Variants in TRIP12 observed in about 807,000 individuals in gnomAD.
TRIP12 encodes thyroid hormone receptor interactor 12.
In TRIP12, 25 loss-of-function variants were observed where a neutral mutation model predicts 244.2. The observed-to-expected ratio is 0.10, with a 90% CI of 0.07 to 0.14. TRIP12 has a LOEUF of 0.14. Among genes scored for constraint, TRIP12 ranks in the 10% least tolerant of loss-of-function variants. TRIP12 has a pLI of 1.00. For missense variants in TRIP12, 1,677 were observed against 2,486.4 expected (o/e 0.67, Z 6.92); for synonymous variants, 905 against 873.1 (o/e 1.04, Z -0.64).
intron 1 of TRIP12, among the ~76,000 whole-genome samples, chr2:229,884,277 C>T (rs1214453604): frequency 1.5e-5 from 2 of 131,966 alleles, no homozygotes; most frequent in African/African-American, 5.7e-5. Context: ...TGCTCTGTTG[C>T]CCTGGCTGGA....
intron 1 of TRIP12, among the ~76,000 whole-genome samples, chr2:229,884,664 G>A (rs920879916): frequency 1.3e-5 from 2 of 152,110 alleles, no homozygotes; most frequent in Non-Finnish European, 2.9e-5. Context: ...AACACTGAAA[G>A]AAATCACCTG....
In TRIP12 at chr2:229,799,311, T is replaced by C. The variant is rs780431117; in HGVS notation, c.3279A>G (p.Pro1093=). 6 of 1,614,188 alleles carry C rather than the reference T, an allele frequency of 3.7e-6. No individual in the cohort carries two copies. The South Asian group carries it at 6.6e-5, about 18-fold the overall frequency. Residue 1093 remains proline (P), a synonymous_variant, in exon 22 of 42, where the codon CCA becomes CCG. Transcript: ENST00000675903. ...RGPRRPKYSP[P]RDDDKVDNQA... Reference sequence around the variant, plus strand: ...GATTGTCTACTTTGTCATCATCTCTTGGAGGTGAGTACTTTGGCCTTCTTG... The same window carrying C: ...GATTGTCTACTTTGTCATCATCTCTCGGAGGTGAGTACTTTGGCCTTCTTG...
chr2:229,869,008 G>C (rs2062041257), intron 2 of TRIP12, among the ~76,000 whole-genome samples: 1 of 152,202 alleles, frequency 6.6e-6, no homozygotes, highest in Non-Finnish European at 1.5e-5. Flanking sequence ...CAAGAGTACA[G>C]TTCACCATAT....
At chr2:229,882,904 T>C (rs754367761) in intron 1 of TRIP12, among the ~76,000 whole-genome samples, 5 of 152,210 alleles carry the variant, frequency 3.3e-5, no homozygotes, top group Non-Finnish European at 7.3e-5. Context: ...ATTCTTGAGA[T>C]ATAAGAGGAA....
intron 33 of TRIP12, among the ~76,000 whole-genome samples, chr2:229,786,564 A>ATTTTT (rs34969936): frequency 2.2e-4 from 17 of 78,020 alleles, no homozygotes; most frequent in African/African-American, 3.2e-4. Flanking sequence ...CGCCCAGATA[A>ATTTTT]TTTTTTTTTT....
At chr2:229,781,765 G>C (rs1463811724) in intron 34 of TRIP12, among the ~76,000 whole-genome samples, 1 of 152,174 alleles carries the variant, frequency 6.6e-6, no homozygotes, top group East Asian at 1.9e-4. Context: ...GCCACCAGCT[G>C]ACATGTACAG....
intron 2 of TRIP12, 66 bp downstream of exon 2, chr2:229,879,916 A>G (rs1413369424): frequency 1.0e-5 from 16 of 1,570,428 alleles, no homozygotes; most frequent in Non-Finnish European, 1.3e-5. Context: ...TGGACCTCGC[A>G]AGGAGGCTTA....
At chr2:229,907,980 AAAG>A (rs1577049393) in intron 1 of TRIP12, among the ~76,000 whole-genome samples, 2 of 152,118 alleles carry the variant, frequency 1.3e-5, no homozygotes, top group South Asian at 2.1e-4. Flanking sequence ...AAAAAAAAAA[AAAG>A]GTTATTCAAC....
chr2:229,885,486 G>A (rs539321590), intron 1 of TRIP12, among the ~76,000 whole-genome samples: 1 of 152,276 alleles, frequency 6.6e-6, no homozygotes, highest in African/African-American at 2.4e-5. Flanking sequence ...CCTGCAGACT[G>A]CAAGCAAGAA....
At position 229,859,010 on chromosome 2, in the gene TRIP12, T is replaced by C. The variant is rs192398659; in HGVS notation, c.789A>G (p.Arg263=). The C allele has an allele frequency of 8.1e-6, 13 of 1,614,202 alleles. No individual in the cohort carries two copies. The Admixed American group carries it at 2.2e-4, about 27-fold the overall frequency. The change falls in exon 4 of 42, where the codon AGA becomes AGG. Residue 263 remains arginine (R), a synonymous_variant. Transcript: ENST00000675903. ...SASSTVPPGA[R]VKQGKDQNKA... ...TGTTCTGATCTTTTCCTTGTTTCAC[T>C]CTGGCACCTGGTGGTACAGTGGAGG... is the stretch of plus-strand genomic sequence containing the variant.
upstream of TRIP12, among the ~76,000 whole-genome samples, chr2:229,922,778 G>A (rs1354866736): frequency 1.3e-5 from 2 of 152,164 alleles, no homozygotes; most frequent in South Asian, 2.1e-4. Flanking sequence ...TCGGTCCGAC[G>A]GCCCGCGTGT....
chr2:229,822,354 T>C (rs777044862), intron 8 of TRIP12, among the ~76,000 whole-genome samples: 1 of 152,168 alleles, frequency 6.6e-6, no homozygotes. Context: ...ACTCCCAAGA[T>C]ACTTGCCACA....
At chr2:229,810,632 T>C (rs570966575) in intron 15 of TRIP12, among the ~76,000 whole-genome samples, 1 of 152,322 alleles carries the variant, frequency 6.6e-6, no homozygotes, top group African/African-American at 2.4e-5. Context: ...GGCATAGATA[T>C]TAATGACTTT....
chr2:229,901,514 T>C (rs1265384582), intron 1 of TRIP12, among the ~76,000 whole-genome samples: 2 of 151,016 alleles, frequency 1.3e-5, no homozygotes, highest in African/African-American at 4.9e-5. Flanking sequence ...ATCCAGCAAC[T>C]TGGGAGGCTG....
chr2:229,858,999 C>G lies in TRIP12; in HGVS notation c.800G>C (p.Gly267Ala). 6.2e-7 allele frequency: 1 copy of G among 1,614,198 alleles called. No homozygotes were observed. Among genetic ancestry groups the G allele is most frequent in the Non-Finnish European group, 8.5e-7 (1 of 1,180,032 alleles). ...TVPPGARVKQ[G>A]KDQNKARRSR... Reference sequence around the variant, plus strand: ...ACGCCTGGCCTTGTTCTGATCTTTTCCTTGTTTCACTCTGGCACCTGGTGG... The same window carrying G: ...ACGCCTGGCCTTGTTCTGATCTTTTGCTTGTTTCACTCTGGCACCTGGTGG... The change falls in exon 4 of 42, where the codon GGA becomes GCA. Residue 267 changes from glycine to alanine, a missense_variant. Physicochemically the swap from Gly to Ala is moderately conservative, Grantham distance 60. Transcript: ENST00000675903.
intron 4 of TRIP12, among the ~76,000 whole-genome samples, chr2:229,847,151 C>A (rs2057736221): frequency 6.6e-6 from 1 of 152,056 alleles, no homozygotes; most frequent in African/African-American, 2.4e-5. Flanking sequence ...CAAAGCTATA[C>A]TTAATTAGGG....
intron 2 of TRIP12, among the ~76,000 whole-genome samples, chr2:229,861,747 C>G (rs1439320318): frequency 6.6e-6 from 1 of 152,012 alleles, no homozygotes; most frequent in African/African-American, 2.4e-5. Flanking sequence ...TGAAAAGAGT[C>G]TTAAAAGAAG....
Position 229,903,004 on chromosome 2 carries a change from CT to C in TRIP12, c.-50+18875del, listed in dbSNP as rs1252768706. On this transcript the variant is annotated intron_variant, in intron 1 of 41. Coordinates refer to ENST00000675903, the MANE Select transcript of TRIP12 (RefSeq NM_001348323.3). ...CATTACTGTGTGCGGGTTTTTTTTTCTTTTTCTTTTTTTCTTTTTTTTTTTT... is the reference window on the plus strand; with the variant it reads ...CATTACTGTGTGCGGGTTTTTTTTTCTTTTCTTTTTTTCTTTTTTTTTTTT... Among the ~76,000 whole-genome samples, 4 of 30,298 alleles carry C rather than the reference CT, an allele frequency of 1.3e-4. No individual in the cohort carries two copies. The East Asian group carries it at 5.8e-3, about 44-fold the overall frequency. 19.9% of individuals were successfully genotyped at this position (30,298 alleles called of 152,430 possible).
At chr2:229,910,680 T>C (rs1377211219) in intron 1 of TRIP12, among the ~76,000 whole-genome samples, 1 of 151,936 alleles carries the variant, frequency 6.6e-6, no homozygotes, top group Non-Finnish European at 1.5e-5. Context: ...GGAGATTATC[T>C]TACAGCACCA....
Sources: allele counts gnomAD v4.1 joint callset (sites outside exome capture counted in the v4.1 genomes callset), GRCh38; gene constraint gnomAD v4.1.1; transcripts MANE v1.5; gene names NCBI Gene and HGNC (gene_info 2026-07-23, HGNC 2026-07-21).